Variants in CAPSL observed in about 807,000 individuals in gnomAD.
The protein encoded by CAPSL is calcyphosin-like protein.
Under a neutral mutation model 21.3 loss-of-function variants are expected in CAPSL, and 17 were observed. The ratio of observed to expected loss-of-function variants is 0.80; its 90% CI spans 0.55 to 1.20. CAPSL has a LOEUF of 1.20. Ranked by LOEUF, CAPSL falls within the 50% of genes most tolerant of loss-of-function variation. CAPSL has a pLI of 0.00. For missense variants in CAPSL, 289 were observed against 259.3 expected (o/e 1.11, Z -0.79); for synonymous variants, 102 against 89.3 (o/e 1.14, Z -0.80).
chr5:35,909,919 C>T lies in CAPSL; in HGVS notation c.472G>A (p.Val158Ile), dbSNP rs1350897248. The change falls in exon 4 of 5, where the codon GTA (valine) becomes ATA (isoleucine). Residue 158 changes from valine to isoleucine, a missense_variant. Transcript: ENST00000651391. ...AAGTTATCCAGAAATTTCCTAAATA[C>T]TTGTTCCTCACTCCATTCCCCATTC... The part of the protein sequence containing the change: ...YQNGEWSEEQ[V>I]FRKFLDNFDS... 21 of 1,613,676 alleles carry T rather than the reference C, an allele frequency of 1.3e-5. No individual in the cohort carries two copies. Among genetic ancestry groups the T allele is most frequent in the Non-Finnish European group, 1.8e-5 (21 of 1,179,900 alleles).
At chr5:35,905,225 A>G (rs7703463) in intron 4 of CAPSL, among the ~76,000 whole-genome samples, 2,726 of 152,118 alleles carry the variant, frequency 0.018, 70 homozygotes, top group African/African-American at 0.053. Context: ...TCCACTCTAC[A>G]CCCATGACCA....
chr5:35,931,140 A>C (rs924934184), intron 1 of CAPSL, among the ~76,000 whole-genome samples: 99 of 152,342 alleles, frequency 6.5e-4, no homozygotes, highest in African/African-American at 2.2e-3. Context: ...GTCTTCAGTC[A>C]CTTGCTGTCA....
chr5:35,913,016 A>T (rs1561437127), intron 2 of CAPSL, among the ~76,000 whole-genome samples: 1 of 152,198 alleles, frequency 6.6e-6, no homozygotes, highest in Non-Finnish European at 1.5e-5. Flanking sequence ...TCCTTAAAGG[A>T]CCTGACGGAG....
chr5:35,910,480 C>A lies in CAPSL; in HGVS notation c.201G>T (p.Gly67=), dbSNP rs780714295. ...CCATGACCACAGCATAATCATTTAA[C>A]CCTTTCATAAATTCTTTAAAATCAA... ...RTLDFKEFMK[G]LNDYAVVMEK... Residue 67 remains glycine, a synonymous_variant, in exon 3 of 5, where the codon GGG becomes GGT. Transcript: ENST00000651391. 7 of 1,613,004 alleles carry A rather than the reference C, an allele frequency of 4.3e-6. No homozygotes were observed. Among genetic ancestry groups the A allele is most frequent in the Admixed American group, 1.7e-5 (1 of 59,992 alleles).
At chr5:35,931,927 C>T (rs1481426297) in intron 1 of CAPSL, among the ~76,000 whole-genome samples, 1 of 152,166 alleles carries the variant, frequency 6.6e-6, no homozygotes, top group African/African-American at 2.4e-5. Flanking sequence ...TCTTCTATCA[C>T]CCTTTTAGAT....
At chr5:35,912,816 A>G (rs1230324777) in intron 2 of CAPSL, among the ~76,000 whole-genome samples, 2 of 152,230 alleles carry the variant, frequency 1.3e-5, no homozygotes, top group African/African-American at 4.8e-5. Context: ...TCCTCCTCCA[A>G]AGGAGCACAG....
At chr5:35,923,597 A>T (rs2149927599) in intron 1 of CAPSL, among the ~76,000 whole-genome samples, 1 of 152,352 alleles carries the variant, frequency 6.6e-6, no homozygotes, top group African/African-American at 2.4e-5. Context: ...GATAGATACC[A>T]CAATGTGGAC....
In CAPSL at chr5:35,921,136, A is replaced by G. The variant is rs746998483; in HGVS notation, c.1-16T>C. ...TCCCTGCCATCTGAGGGGAAGCCATAGCATGTTAGCAAAGTCCAGGCCTCG... is the reference window on the plus strand; with the variant it reads ...TCCCTGCCATCTGAGGGGAAGCCATGGCATGTTAGCAAAGTCCAGGCCTCG... On this transcript the variant is annotated splice_polypyrimidine_tract_variant and intron_variant, in intron 1 of 4. Transcript: ENST00000651391. 2 of 1,613,178 alleles carry G rather than the reference A, an allele frequency of 1.2e-6. No individual in the cohort carries two copies. Among genetic ancestry groups the G allele is most frequent in the South Asian group, 1.1e-5 (1 of 91,024 alleles).
At chr5:35,918,463 G>T (rs562339801) in intron 2 of CAPSL, among the ~76,000 whole-genome samples, 2 of 152,120 alleles carry the variant, frequency 1.3e-5, no homozygotes, top group South Asian at 2.1e-4. Context: ...TGAACTTCAG[G>T]GGGTGGAGGG....
intron 4 of CAPSL, among the ~76,000 whole-genome samples, chr5:35,905,153 A>C (rs944759428): frequency 6.6e-6 from 1 of 152,180 alleles, no homozygotes; most frequent in Non-Finnish European, 1.5e-5. Context: ...TAACTCATTC[A>C]AGGCCCAGGG....
chr5:35,926,594 G>C (rs1738691689), intron 1 of CAPSL, among the ~76,000 whole-genome samples: 1 of 152,172 alleles, frequency 6.6e-6, no homozygotes, highest in African/African-American at 2.4e-5. Context: ...CTTGGAAGAG[G>C]GAACTGCTCT....
rs751705913 is a variant in CAPSL at position 35,910,462 on chromosome 5, C to T, written c.219G>A (p.Val73=). ...CTTCCACCTCTTCTTTTTCCATGACCACAGCATAATCATTTAACCCTTTCA... is the reference window on the plus strand; with the variant it reads ...CTTCCACCTCTTCTTTTTCCATGACTACAGCATAATCATTTAACCCTTTCA... ...EFMKGLNDYA[V]VMEKEEVEEL... is the part of the protein sequence containing the mutation. Residue 73 remains valine (V), a synonymous_variant, in exon 3 of 5, where the codon GTG becomes GTA. Transcript: ENST00000651391. 1.2e-6 allele frequency: 2 copies of T among 1,613,332 alleles called. No individual in the cohort carries two copies. Among genetic ancestry groups the T allele is most frequent in the Non-Finnish European group, 1.7e-6 (2 of 1,179,350 alleles).
chr5:35,916,201 A>G (rs1310352594), intron 2 of CAPSL, among the ~76,000 whole-genome samples: 2 of 151,782 alleles, frequency 1.3e-5, no homozygotes, highest in East Asian at 1.9e-4. Context: ...CCACTGCTCA[A>G]GGAAATAAAA....
At chr5:35,930,769 GC>G (rs1284227929) in intron 1 of CAPSL, among the ~76,000 whole-genome samples, 2 of 152,194 alleles carry the variant, frequency 1.3e-5, no homozygotes, top group Non-Finnish European at 2.9e-5. Flanking sequence ...TTTAGACACT[GC>G]CACCTGGTTG....
chr5:35,919,494 G>A lies in CAPSL; in HGVS notation c.137+1490C>T, dbSNP rs572805324. Among the ~76,000 whole-genome samples the A allele has an allele frequency of 4.5e-4, 69 of 152,280 alleles. 1 individual carries two copies. The highest frequency in any genetic ancestry group is 3.4e-3 in the Middle Eastern group (1 of 294). ...TTGGTCAGGATAAAGACTCAGGGTG[G>A]AAAGATGGTGCCGGGAGTCAATGCT... On this transcript the variant is annotated intron_variant, in intron 2 of 4. Coordinates refer to ENST00000651391, the MANE Select transcript of CAPSL (RefSeq NM_001042625.2).
At chr5:35,912,106 C>T (rs112028624) in intron 2 of CAPSL, among the ~76,000 whole-genome samples, 4 of 152,352 alleles carry the variant, frequency 2.6e-5, no homozygotes, top group African/African-American at 9.6e-5. Flanking sequence ...CCGGGCCTCA[C>T]TCATTGCCAG....
intron 2 of CAPSL, among the ~76,000 whole-genome samples, chr5:35,916,774 C>A (rs1055408074): frequency 6.6e-6 from 1 of 152,144 alleles, no homozygotes; most frequent in African/African-American, 2.4e-5. Flanking sequence ...AGAAGAAAAC[C>A]TAGGCAATAC....
At chr5:35,914,008 AG>A (rs1299728793) in intron 2 of CAPSL, among the ~76,000 whole-genome samples, 4 of 152,232 alleles carry the variant, frequency 2.6e-5, no homozygotes, top group African/African-American at 9.7e-5. Flanking sequence ...AAAGGGATGG[AG>A]GAAGATCTAC....
intron 1 of CAPSL, among the ~76,000 whole-genome samples, chr5:35,928,490 G>A (rs1167514606): frequency 6.6e-6 from 1 of 152,152 alleles, no homozygotes; most frequent in African/African-American, 2.4e-5. Flanking sequence ...CATCGTGAGA[G>A]TTACTTCACG....
Sources: allele counts gnomAD v4.1 joint callset (sites outside exome capture counted in the v4.1 genomes callset), GRCh38; gene constraint gnomAD v4.1.1; transcripts MANE v1.5; gene names NCBI Gene and HGNC (gene_info 2026-07-23, HGNC 2026-07-21).